The following ITPR1 variants were observed in gnomAD, a reference collection of about 807,000 sequenced individuals.
ITPR1 encodes the protein inositol 1,4,5-trisphosphate receptor type 1.
Under a neutral mutation model 318.4 loss-of-function variants are expected in ITPR1, and 96 were observed. The ratio of observed to expected loss-of-function variants is 0.30; its 90% confidence interval spans 0.26 to 0.36. The LOEUF (loss-of-function observed/expected upper bound fraction) is 0.36, where lower values mean the gene tolerates loss of function less well. Ranked by LOEUF, ITPR1 falls within the 10% of genes least tolerant of loss-of-function variation. The pLI, the probability that ITPR1 is intolerant of heterozygous loss-of-function variation, is 1.00. For synonymous variants in ITPR1, 1,312 were observed against 1,289.9 expected, an observed-to-expected ratio of 1.02 and a Z score of -0.37; for missense variants, 2,440 against 3,460.2, an observed-to-expected ratio of 0.71 and a Z score of 7.40.
intron 42 of ITPR1, among the ~76,000 whole-genome samples, chr3:4,730,108 T>A (rs2042797632): frequency 6.6e-6 from 1 of 151,672 alleles, no homozygotes; most frequent in South Asian, 2.1e-4. Context: ...GTTTTCACAT[T>A]AGAGATTTGC....
At chr3:4,696,084 A>G (rs534001182) in intron 33 of ITPR1, among the ~76,000 whole-genome samples, 14 of 152,214 alleles carry the variant, frequency 9.2e-5, no homozygotes, top group Non-Finnish European at 1.9e-4. Context: ...GTATGATAGT[A>G]TCGCATACCA....
intron 12 of ITPR1, among the ~76,000 whole-genome samples, chr3:4,654,562 A>C (rs2093663992): frequency 6.6e-6 from 1 of 152,198 alleles, no homozygotes; most frequent in Admixed American, 6.5e-5. Context: ...GGTATAAGTA[A>C]GACAGTTTTC....
At chr3:4,590,435 G>C (rs1235134658) in intron 4 of ITPR1, among the ~76,000 whole-genome samples, 1 of 151,382 alleles carries the variant, frequency 6.6e-6, no homozygotes, top group African/African-American at 2.4e-5. Flanking sequence ...GCTTTTTATA[G>C]CTGAGTTGGC....
At chr3:4,780,907 A>G (rs2046788423) in intron 49 of ITPR1, among the ~76,000 whole-genome samples, 1 of 152,222 alleles carries the variant, frequency 6.6e-6, no homozygotes, top group Non-Finnish European at 1.5e-5. Flanking sequence ...ACACCCAGTG[A>G]GGTGGCTGGC....
chr3:4,702,795 C>T lies in ITPR1; in HGVS notation c.4537-35C>T, dbSNP rs373386227. 1.5e-4 allele frequency: 239 copies of T among 1,605,626 alleles called. 1 individual carries two copies. The African/African-American group carries it at 3.0e-3, about 20-fold the overall frequency. On this transcript the variant is annotated intron_variant, in intron 35 of 61. Coordinates refer to ENST00000649015, the MANE Select transcript of ITPR1 (RefSeq NM_001378452.1). ...TCATCAGTAGTCTACAAATAAAAAT[C>T]TGTTTTTCACGTTGCCTCTTTTGGC...
At chr3:4,586,427 C>G (rs901247205) in intron 4 of ITPR1, among the ~76,000 whole-genome samples, 1 of 151,658 alleles carries the variant, frequency 6.6e-6, no homozygotes, top group Non-Finnish European at 1.5e-5. Context: ...TAGTCTGACT[C>G]TAGAAACGGC....
At chr3:4,593,951 C>T (rs1365360219) in intron 4 of ITPR1, among the ~76,000 whole-genome samples, 1 of 152,148 alleles carries the variant, frequency 6.6e-6, no homozygotes, top group Non-Finnish European at 1.5e-5. Flanking sequence ...GAAAGCCATT[C>T]CTACTGGAGA....
intron 48 of ITPR1, among the ~76,000 whole-genome samples, chr3:4,778,109 G>A (rs1393508614): frequency 6.6e-6 from 1 of 152,116 alleles, no homozygotes; most frequent in African/African-American, 2.4e-5. Flanking sequence ...TTGGATATTT[G>A]AGAAATTGAT....
At chr3:4,519,533 A>C (rs145049185) in intron 3 of ITPR1, among the ~76,000 whole-genome samples, 177 of 152,254 alleles carry the variant, frequency 1.2e-3, no homozygotes, top group African/African-American at 4.1e-3. Flanking sequence ...CCATGGCTTG[A>C]TGATTTATTA....
chr3:4,627,953 GAGACTGCTTATGCAACCCTCC>G, intron 5 of ITPR1, 75 bp downstream of exon 5: 1 of 870,356 alleles, frequency 1.1e-6, no homozygotes, highest in Non-Finnish European at 1.8e-6. Context: ...GTAATGGTGG[GAGACTGCTTATGCAACCCTCC>G]AATTCTAGCA....
intron 4 of ITPR1, among the ~76,000 whole-genome samples, chr3:4,534,949 C>T (rs978475895): frequency 2.6e-5 from 4 of 152,100 alleles, no homozygotes; most frequent in Admixed American, 6.5e-5. Flanking sequence ...ACAAAGAATA[C>T]GGGGTTTTGT....
At chr3:4,827,414 G>A (rs1379019097) in intron 60 of ITPR1, among the ~76,000 whole-genome samples, 1 of 152,224 alleles carries the variant, frequency 6.6e-6, no homozygotes, top group Admixed American at 6.5e-5. Flanking sequence ...GAATATGACT[G>A]TCTACATCAG....
chr3:4,661,100 A>G lies in ITPR1; in HGVS notation c.1251+13A>G. 8 of 1,489,312 alleles carry G rather than the reference A, an allele frequency of 5.4e-6. No homozygotes were observed. Among genetic ancestry groups the G allele is most frequent in the Non-Finnish European group, 7.5e-6 (8 of 1,066,662 alleles). The allele number at this position is 1,489,312 out of a possible 1,614,324, so 92.3% of individuals were successfully genotyped here. A position where few individuals can be genotyped will look rare whatever the true frequency, so the allele number is the denominator to read the frequency against. On this transcript the variant is annotated intron_variant, in intron 14 of 61. Coordinates refer to ENST00000649015, the MANE Select transcript of ITPR1 (RefSeq NM_001378452.1). ...CGTGATGCTGAAAGTAAGTCCTGGG[A>G]CTTGCCTGTCTCCTTTTGGTCTCGT...
intron 4 of ITPR1, among the ~76,000 whole-genome samples, chr3:4,606,882 G>A (rs1486758185): frequency 3.3e-5 from 5 of 152,098 alleles, no homozygotes; most frequent in Non-Finnish European, 5.9e-5. Context: ...ACTTGGGAAA[G>A]GCACAGAAGA....
chr3:4,501,035 T>A lies in ITPR1; in HGVS notation c.-17+6529T>A, dbSNP rs1017722650. Among the ~76,000 whole-genome samples, 37 of 22,696 alleles carry A rather than the reference T, an allele frequency of 1.6e-3. No homozygotes were observed. The East Asian group carries it at 0.034, about 21-fold the overall frequency. 14.9% of individuals were successfully genotyped at this position (22,696 alleles called of 152,430 possible). A position where few individuals can be genotyped will look rare whatever the true frequency, so the allele number is the denominator to read the frequency against. ...CTCCTGGCTAATTTAAAAAAAAAAT[T>A]TTTTTTTGTAGAGATTGGGTCTCCC... On this transcript the variant is annotated intron_variant, in intron 2 of 61. Coordinates refer to ENST00000649015, the MANE Select transcript of ITPR1 (RefSeq NM_001378452.1).
chr3:4,645,052 T>A (rs2093424481), intron 8 of ITPR1, among the ~76,000 whole-genome samples: 1 of 152,238 alleles, frequency 6.6e-6, no homozygotes, highest in Non-Finnish European at 1.5e-5. Flanking sequence ...CATCCCATTT[T>A]ATAAGTACTT....
rs1008144199 is a variant in ITPR1, at chr3:4,714,709, C to T, written c.5104-2658C>T. Among the ~76,000 whole-genome samples, 4 of 152,314 alleles carry T rather than the reference C, an allele frequency of 2.6e-5. No homozygotes were observed. The East Asian group carries it at 7.7e-4, about 29-fold the overall frequency. ...CTTAAAGATGACGAGACGTAGGTAC[C>T]TTTACCCATCTTTACTTTTTCATTC... On this transcript the variant is annotated intron_variant, in intron 39 of 61. Transcript: ENST00000649015.
intron 60 of ITPR1, among the ~76,000 whole-genome samples, chr3:4,827,951 A>G (rs540672639): frequency 6.6e-6 from 1 of 152,076 alleles, no homozygotes; most frequent in East Asian, 1.9e-4. Context: ...AGTCCTGTAG[A>G]TGGCGAGACG....
At chr3:4,697,855 G>T (rs555017008) in intron 34 of ITPR1, among the ~76,000 whole-genome samples, 1 of 152,238 alleles carries the variant, frequency 6.6e-6, no homozygotes, top group South Asian at 2.1e-4. Flanking sequence ...GGATTGGTTG[G>T]TGAATGATAA....
Sources: gnomAD v4.1 joint callset for allele counts (sites outside exome capture counted in the v4.1 genomes callset) on GRCh38, gnomAD v4.1.1 for gene constraint, MANE v1.5 for transcripts, NCBI Gene and HGNC (gene_info 2026-07-23, HGNC 2026-07-21) for gene names.